The following EPHA6 variants were observed in gnomAD, a reference collection of about 807,000 sequenced individuals.
The protein encoded by EPHA6 is ephrin type-A receptor 6.
EPHA6 carries 50 observed loss-of-function variants against 112.0 expected under a neutral mutation model. The observed-to-expected ratio is 0.45, with a 90% confidence interval of 0.36 to 0.56. The LOEUF is 0.56. Among genes scored for constraint, EPHA6 ranks in the 20% least tolerant of loss-of-function variants. The pLI is 0.00. For missense variants in EPHA6, 1,280 were observed against 1,417.4 expected, an observed-to-expected ratio of 0.90 and a Z score of 1.56; for synonymous variants, 529 against 490.7, an observed-to-expected ratio of 1.08 and a Z score of -1.03.
chr3:97,644,553 A>C, intron 14 of EPHA6, among the ~76,000 whole-genome samples: 1 of 152,160 alleles, frequency 6.6e-6, no homozygotes, highest in Non-Finnish European at 1.5e-5. Context: ...AAGACTAATA[A>C]AGATAAAAGA....
chr3:96,818,622 T>C (rs900024996), intron 1 of EPHA6, among the ~76,000 whole-genome samples: 1 of 151,990 alleles, frequency 6.6e-6, no homozygotes, highest in Admixed American at 6.6e-5. Context: ...ATTCATGGCC[T>C]AAAATTAGTT....
At chr3:97,222,352 C>T (rs113610355) in intron 3 of EPHA6, among the ~76,000 whole-genome samples, 1,749 of 152,006 alleles carry the variant, frequency 0.012, 33 homozygotes, top group African/African-American at 0.04. Flanking sequence ...ATTGAAGTAA[C>T]CCAAATATAT....
intron 2 of EPHA6, among the ~76,000 whole-genome samples, chr3:96,982,762 AG>A (rs1440877466): frequency 6.6e-6 from 1 of 152,108 alleles, no homozygotes; most frequent in Non-Finnish European, 1.5e-5. Context: ...TATATATTTA[AG>A]ACAGTTAGCT....
At chr3:97,573,952 T>C (rs971215424) in intron 11 of EPHA6, among the ~76,000 whole-genome samples, 1 of 152,242 alleles carries the variant, frequency 6.6e-6, no homozygotes, top group Middle Eastern at 3.4e-3. Flanking sequence ...AGTTCCAGAA[T>C]GTCCAGGATG....
At chr3:97,355,299 T>C (rs1291542121) in intron 5 of EPHA6, among the ~76,000 whole-genome samples, 1 of 152,008 alleles carries the variant, frequency 6.6e-6, no homozygotes, top group African/African-American at 2.4e-5. Flanking sequence ...ATATAATAAT[T>C]ACAAAAATTT....
At chr3:97,547,093 T>G (rs1040255424) in intron 11 of EPHA6, among the ~76,000 whole-genome samples, 3 of 152,350 alleles carry the variant, frequency 2.0e-5, no homozygotes, top group Admixed American at 2.0e-4. Context: ...TCCATCTTTG[T>G]TCCATTGGTG....
intron 14 of EPHA6, among the ~76,000 whole-genome samples, chr3:97,711,314 CT>C (rs141423300): frequency 0.082 from 12,505 of 152,004 alleles, 1,693 homozygotes; most frequent in African/African-American, 0.28. Flanking sequence ...AAACCTCTTT[CT>C]TTTGTAAATT....
chr3:96,820,969 A>C (rs1203148440), intron 1 of EPHA6, among the ~76,000 whole-genome samples: 1 of 151,808 alleles, frequency 6.6e-6, no homozygotes, highest in African/African-American at 2.4e-5. Flanking sequence ...GTTATTGAAA[A>C]CACAAATTCT....
intron 13 of EPHA6, among the ~76,000 whole-genome samples, chr3:97,620,943 A>G (rs149692358): frequency 3.0e-4 from 46 of 152,146 alleles, no homozygotes; most frequent in Non-Finnish European, 5.7e-4. Context: ...AAATCGTTCT[A>G]TTATAAACAC....
At chr3:96,968,374 A>G (rs2042200265) in intron 2 of EPHA6, among the ~76,000 whole-genome samples, 1 of 145,996 alleles carries the variant, frequency 6.8e-6, no homozygotes. Context: ...ACTACCATAG[A>G]GAAAATGGTA....
chr3:97,648,519 TA>T (rs1462373868), intron 14 of EPHA6: 3 of 1,296,012 alleles, frequency 2.3e-6, no homozygotes, highest in Non-Finnish European at 2.9e-6. Flanking sequence ...AGTTAATTTT[TA>T]AGCCTTGAAC....
At chr3:96,885,314 T>C (rs1012156578) in intron 2 of EPHA6, among the ~76,000 whole-genome samples, 3 of 152,292 alleles carry the variant, frequency 2.0e-5, no homozygotes, top group African/African-American at 7.2e-5. Flanking sequence ...CCAATTCTTC[T>C]TTGAATGTCT....
Position 96,988,013 on chromosome 3 carries a change from A to G in EPHA6, c.1114+20A>G, listed in dbSNP as rs2043083333. On this transcript the variant is annotated intron_variant, in intron 3 of 17. Coordinates refer to ENST00000389672, the MANE Select transcript of EPHA6 (RefSeq NM_001080448.3). Reference sequence around the variant, plus strand: ...GCCATGGTAAGAAACAAACATTTAAATAATTTATCTTGCATTTAAATGATT... The same window carrying G: ...GCCATGGTAAGAAACAAACATTTAAGTAATTTATCTTGCATTTAAATGATT... 1 of 1,521,324 alleles carries G rather than the reference A, an allele frequency of 6.6e-7. No homozygotes were observed. The highest frequency in any genetic ancestry group is 8.8e-7 in the Non-Finnish European group (1 of 1,131,304). 94.2% of individuals were successfully genotyped at this position (1,521,324 alleles called of 1,614,324 possible).
intron 11 of EPHA6, among the ~76,000 whole-genome samples, chr3:97,579,692 G>A (rs995344176): frequency 1.3e-5 from 2 of 152,148 alleles, no homozygotes; most frequent in African/African-American, 4.8e-5. Flanking sequence ...AAGGGTAAAC[G>A]AGAAAGTTAT....
intron 5 of EPHA6, among the ~76,000 whole-genome samples, chr3:97,344,522 A>G (rs917996941): frequency 1.3e-5 from 2 of 152,138 alleles, no homozygotes; most frequent in African/African-American, 4.8e-5. Flanking sequence ...GGGAGAAGGT[A>G]GCCATATGCA....
At chr3:97,087,901 C>T (rs1457400785) in intron 3 of EPHA6, among the ~76,000 whole-genome samples, 8 of 151,998 alleles carry the variant, frequency 5.3e-5, no homozygotes, top group Admixed American at 3.3e-4. Context: ...AAATTTTTTT[C>T]GGCCGGGCAC....
chr3:97,114,410 A>G (rs1463714964), intron 3 of EPHA6, among the ~76,000 whole-genome samples: 1 of 152,042 alleles, frequency 6.6e-6, no homozygotes, highest in African/African-American at 2.4e-5. Flanking sequence ...TAAGTTATAC[A>G]TTAGCATTAC....
chr3:97,334,475 C>CTTTTTTTTTTTTTTTTTTT (rs2082958134), intron 5 of EPHA6, among the ~76,000 whole-genome samples: 1 of 136,838 alleles, frequency 7.3e-6, no homozygotes, highest in Admixed American at 7.2e-5. Context: ...CTTTTTTTTT[C>CTTTTTTTTTTTTTTTTTTT]TTCTTTTTTT....
At chr3:97,716,494 G>A (rs1487959303) in intron 14 of EPHA6, among the ~76,000 whole-genome samples, 4 of 126,362 alleles carry the variant, frequency 3.2e-5, no homozygotes, top group Admixed American at 7.2e-5. Flanking sequence ...CGTGAACCCG[G>A]GAAGCGGAGC....
Sources: gnomAD v4.1 joint callset for allele counts (sites outside exome capture counted in the v4.1 genomes callset) on GRCh38, gnomAD v4.1.1 for gene constraint, MANE v1.5 for transcripts, NCBI Gene and HGNC (gene_info 2026-07-23, HGNC 2026-07-21) for gene names.